INTS12: variants seen among roughly 807,000 people sequenced by gnomAD.
INTS12 encodes the protein integrator complex subunit 12, also known as PHD finger protein 22.
Under a neutral mutation model 41.6 loss-of-function variants are expected in INTS12, and 13 were observed. That is an observed-to-expected ratio of 0.31 (90% CI 0.20 to 0.50). INTS12 has a LOEUF of 0.50. Ranked by LOEUF, INTS12 falls within the 20% of genes least tolerant of loss-of-function variation. The probability of loss-of-function intolerance (pLI) is 0.98; values close to 1 mark genes in which losing one functional copy is unlikely to be tolerated. For synonymous variants in INTS12, 199 were observed against 191.4 expected (o/e 1.04, Z -0.33); for missense variants, 432 against 541.6 (o/e 0.80, Z 2.01).
chr4:105,700,201 C>T (rs966087369), intron 2 of INTS12, 187 bp from the exon 3 acceptor site: 2 of 347,292 alleles, frequency 5.8e-6, no homozygotes, highest in African/African-American at 4.2e-5. Context: ...TTATCTAGTT[C>T]CTTCCCCCTG....
intron 6 of INTS12, among the ~76,000 whole-genome samples, chr4:105,687,413 T>C (rs1052770344): frequency 2.0e-5 from 3 of 152,230 alleles, no homozygotes; most frequent in South Asian, 2.1e-4. Flanking sequence ...CAAATTTCTA[T>C]GTTATGAAAG....
chr4:105,689,543 A>G (rs781182838), intron 6 of INTS12, among the ~76,000 whole-genome samples: 2 of 152,118 alleles, frequency 1.3e-5, no homozygotes, highest in Non-Finnish European at 2.9e-5. Flanking sequence ...AATATTAGCC[A>G]TGACTCCCCA....
At chr4:105,703,397 T>C (rs1415142214) in intron 2 of INTS12, among the ~76,000 whole-genome samples, 4 of 152,220 alleles carry the variant, frequency 2.6e-5, no homozygotes, top group African/African-American at 9.6e-5. Flanking sequence ...GTCAAATGCA[T>C]ATAGCACAAA....
chr4:105,707,860 T>G, intron 1 of INTS12: 1 of 595,202 alleles, frequency 1.7e-6, no homozygotes, highest in Non-Finnish European at 2.1e-6. Flanking sequence ...CAGTCTAAAT[T>G]GGGCATTCAT....
intron 3 of INTS12, among the ~76,000 whole-genome samples, chr4:105,699,105 C>G (rs771402540): frequency 6.6e-6 from 1 of 152,086 alleles, no homozygotes; most frequent in Non-Finnish European, 1.5e-5. Flanking sequence ...TCTTATTATC[C>G]CCATTTTACC....
intron 3 of INTS12, among the ~76,000 whole-genome samples, chr4:105,697,338 T>C (rs1731902948): frequency 6.6e-6 from 1 of 152,232 alleles, no homozygotes; most frequent in Non-Finnish European, 1.5e-5. Flanking sequence ...CAGTCTATTT[T>C]ACTGTGATAA....
At chr4:105,684,170 T>C (rs1731423011) in intron 7 of INTS12, among the ~76,000 whole-genome samples, 1 of 152,176 alleles carries the variant, frequency 6.6e-6, no homozygotes, top group Non-Finnish European at 1.5e-5. Context: ...AATCAGAAGC[T>C]CACAATGGTA....
rs1406793913 is a variant in INTS12, at chr4:105,684,191, T to C, written c.805-874A>G. Among the ~76,000 whole-genome samples the C allele has an allele frequency of 2.0e-5, 3 of 152,186 alleles. No homozygotes were observed. In the East Asian group the frequency reaches 5.8e-4, roughly 29 times the overall value. ...AAGCTCACAATGGTACCAATGCCAC[T>C]ATATAAATACATATTGCTCTTGTTC... On this transcript the variant is annotated intron_variant, in intron 7 of 7. Coordinates refer to ENST00000340139, the MANE Select transcript of INTS12 (RefSeq NM_020395.4).
intron 1 of INTS12, among the ~76,000 whole-genome samples, chr4:105,704,917 A>T (rs72969253): frequency 0.028 from 4,248 of 152,262 alleles, 176 homozygotes; most frequent in African/African-American, 0.088. Flanking sequence ...ATCATCTATT[A>T]TCTGGCCCAC....
intron 5 of INTS12, among the ~76,000 whole-genome samples, 163 bp from the exon 6 acceptor site, chr4:105,692,298 A>G (rs1274844710): frequency 2.0e-5 from 3 of 152,056 alleles, no homozygotes; most frequent in Non-Finnish European, 4.4e-5. Flanking sequence ...AGCCTGGCTG[A>G]CACGGTGAAA....
chr4:105,684,385 T>A (rs1429355136), intron 7 of INTS12, among the ~76,000 whole-genome samples: 1 of 152,076 alleles, frequency 6.6e-6, no homozygotes, highest in Non-Finnish European at 1.5e-5. Context: ...CAAAATAACA[T>A]CCTACTTAAA....
intron 2 of INTS12, among the ~76,000 whole-genome samples, chr4:105,701,331 CT>C (rs1252775093): frequency 6.6e-6 from 1 of 150,478 alleles, no homozygotes; most frequent in Non-Finnish European, 1.5e-5. Flanking sequence ...AAAATATCAT[CT>C]GAATCACCCA....
Position 105,682,659 on chromosome 4 carries a change from G to T in INTS12, c.*74C>A. On this transcript the variant is annotated 3_prime_UTR_variant, in exon 8 of 8. Coordinates refer to ENST00000340139, the MANE Select transcript of INTS12 (RefSeq NM_020395.4). ...ATGAAGACTTTTATTAAATTACAGT[G>T]TATTACAGATTATATCATAATAATA... 1 of 1,066,628 alleles carries T rather than the reference G, an allele frequency of 9.4e-7. No homozygotes were observed. The highest frequency in any genetic ancestry group is 1.4e-6 in the Non-Finnish European group (1 of 713,312). The allele number at this position is 1,066,628 out of a possible 1,614,324, so 66.1% of individuals were successfully genotyped here.
chr4:105,687,399 A>C (rs1452401661), intron 6 of INTS12, among the ~76,000 whole-genome samples: 1 of 152,228 alleles, frequency 6.6e-6, no homozygotes, highest in African/African-American at 2.4e-5. Context: ...AAAGTTAATA[A>C]ATACAAATTT....
intron 6 of INTS12, among the ~76,000 whole-genome samples, chr4:105,691,758 G>C (rs1560775797): frequency 1.3e-5 from 2 of 152,050 alleles, no homozygotes; most frequent in Non-Finnish European, 2.9e-5. Flanking sequence ...ATCTATATTA[G>C]AATTAGATAA....
intron 6 of INTS12, among the ~76,000 whole-genome samples, chr4:105,690,781 C>T (rs555815010): frequency 1.3e-5 from 2 of 152,226 alleles, no homozygotes; most frequent in Non-Finnish European, 2.9e-5. Context: ...CAGTTGAGTA[C>T]ATACTAAAGA....
chr4:105,703,031 T>A (rs975697322), intron 2 of INTS12: 2 of 984,436 alleles, frequency 2.0e-6, no homozygotes, highest in African/African-American at 3.5e-5. Context: ...GATCTACACA[T>A]ACAAAAATAT....
chr4:105,683,263 T>C lies in INTS12; in HGVS notation c.859A>G (p.Thr287Ala), dbSNP rs1731386362. ...GCTGCCCATCCAGTTAAGCCACTAG[T>C]TACTGACGAGGAAACGCTGGCACTA... ...SSSASVSSSV[T>A]SGLTGWAAFA... Residue 287 changes from threonine (T) to alanine (A), a missense_variant, in exon 8 of 8, where the codon ACT (threonine) becomes GCT (alanine). Around this residue, in one of 3 missense-constraint regions of INTS12, gnomAD observed 258 missense variants for 309.9 expected, o/e 0.83. Coordinates refer to ENST00000340139, the MANE Select transcript of INTS12 (RefSeq NM_020395.4). 3 of 1,613,956 alleles carry C rather than the reference T, an allele frequency of 1.9e-6. No homozygotes were observed. The highest frequency in any genetic ancestry group is 2.7e-5 in the African/African-American group (2 of 75,038).
At chr4:105,707,835 C>T (rs1732350135) in intron 1 of INTS12, 3 of 410,410 alleles carry the variant, frequency 7.3e-6, no homozygotes, top group South Asian at 2.0e-4. Context: ...CCTTATAAGG[C>T]TTCTGTGATC....
Sources: allele counts gnomAD v4.1 joint callset (sites outside exome capture counted in the v4.1 genomes callset), GRCh38; gene constraint gnomAD v4.1.1; regional missense constraint gnomAD v4.1.1; transcripts MANE v1.5; gene names NCBI Gene and HGNC (gene_info 2026-07-23, HGNC 2026-07-21).